The following CSMD1 variants were observed in gnomAD, a reference collection of about 807,000 sequenced individuals.
CSMD1 encodes the protein CUB and sushi domain-containing protein 1.
CSMD1 carries 213 observed loss-of-function variants against 417.5 expected under a neutral mutation model. The observed-to-expected ratio is 0.51, with a 90% CI of 0.46 to 0.57. The LOEUF (loss-of-function observed/expected upper bound fraction) is 0.57, where lower values mean the gene tolerates loss of function less well. CSMD1 is among the 20% of genes least tolerant of loss of function. CSMD1 has a pLI of 0.00. For synonymous variants in CSMD1, 2,862 were observed against 1,736.8 expected (o/e 1.65, Z -16.11); for missense variants, 6,923 against 4,529.7 (o/e 1.53, Z -15.17).
At chr8:3,705,547 G>A (rs1227424506) in intron 7 of CSMD1, among the ~76,000 whole-genome samples, 1 of 152,138 alleles carries the variant, frequency 6.6e-6, no homozygotes, top group Admixed American at 6.5e-5. Context: ...GAAAAAGAAC[G>A]ATCATAAACA....
chr8:3,793,299 G>A (rs1056790310), intron 5 of CSMD1, among the ~76,000 whole-genome samples: 1 of 152,104 alleles, frequency 6.6e-6, no homozygotes, highest in Admixed American at 6.5e-5. Context: ...CCTATTTTTA[G>A]AATTTCCATT....
intron 3 of CSMD1, among the ~76,000 whole-genome samples, chr8:4,197,644 C>T (rs767242341): frequency 1.2e-4 from 19 of 152,180 alleles, no homozygotes; most frequent in East Asian, 1.9e-4. Flanking sequence ...TTTGGGAGGC[C>T]GAGGCAGGTG....
At chr8:3,426,024 T>A (rs1813816111) in intron 12 of CSMD1, among the ~76,000 whole-genome samples, 1 of 152,086 alleles carries the variant, frequency 6.6e-6, no homozygotes, top group South Asian at 2.1e-4. Flanking sequence ...AAGAATTATT[T>A]AAAAAAAATC....
intron 5 of CSMD1, among the ~76,000 whole-genome samples, chr8:3,827,642 T>A (rs1227996185): frequency 1.3e-5 from 2 of 152,200 alleles, no homozygotes; most frequent in Admixed American, 6.6e-5. Flanking sequence ...AAAAACCTCT[T>A]CGAATAAAAC....
At position 4,238,071 on chromosome 8, in the gene CSMD1, G is replaced by C. The variant is rs542529695; in HGVS notation, c.415+181882C>G. On this transcript the variant is annotated intron_variant, in intron 3 of 69. Coordinates refer to ENST00000635120, the MANE Select transcript of CSMD1 (RefSeq NM_033225.6). ...GTTTTTCTACCCTAGGAGGCCTCAA[G>C]AGATTGTAAACGTTTTAAGATTGAG... is the stretch of plus-strand genomic sequence containing the variant. Among the ~76,000 whole-genome samples, 69 of 152,204 alleles carry C rather than the reference G, an allele frequency of 4.5e-4. No individual in the cohort carries two copies. In the South Asian group the frequency reaches 0.014, roughly 31 times the overall value.
At position 4,411,235 on chromosome 8, in the gene CSMD1, A is replaced by G. The variant is rs147994808; in HGVS notation, c.415+8718T>C. Among the ~76,000 whole-genome samples the G allele has an allele frequency of 1.4e-4, 21 of 152,290 alleles. No individual in the cohort carries two copies. In the East Asian group the frequency reaches 4.1e-3, roughly 29 times the overall value. The stretch of plus-strand genomic sequence containing the variant: ...ATCAAGTACAAATATTAATTAATAC[A>G]TATTTTGTTACTGAAAATTGATTAT... On this transcript the variant is annotated intron_variant, in intron 3 of 69. Coordinates refer to ENST00000635120, the MANE Select transcript of CSMD1 (RefSeq NM_033225.6).
chr8:4,150,400 T>G (rs1420001882), intron 3 of CSMD1, among the ~76,000 whole-genome samples: 1 of 152,206 alleles, frequency 6.6e-6, no homozygotes, highest in Admixed American at 6.5e-5. Flanking sequence ...GGAAGTAATG[T>G]GGACTCTCTT....
At chr8:4,580,220 C>T (rs186350044) in intron 2 of CSMD1, among the ~76,000 whole-genome samples, 5 of 152,348 alleles carry the variant, frequency 3.3e-5, no homozygotes, top group Admixed American at 3.3e-4. Flanking sequence ...TGCTGCCCTT[C>T]CCCTTGTGGG....
chr8:3,989,641 G>T (rs1239751581), intron 5 of CSMD1, among the ~76,000 whole-genome samples: 1 of 152,164 alleles, frequency 6.6e-6, no homozygotes, highest in African/African-American at 2.4e-5. Flanking sequence ...AAAAATTAAA[G>T]TCTTTATGAT....
chr8:3,477,068 A>C (rs35143447), intron 11 of CSMD1, among the ~76,000 whole-genome samples: 1 of 151,908 alleles, frequency 6.6e-6, no homozygotes, highest in African/African-American at 2.4e-5. Flanking sequence ...ACATGTATTT[A>C]CAGTCATAGA....
At chr8:3,558,449 T>C (rs994895642) in intron 10 of CSMD1, among the ~76,000 whole-genome samples, 4 of 150,036 alleles carry the variant, frequency 2.7e-5, no homozygotes, top group East Asian at 2.0e-4. Flanking sequence ...CCTGCAATGA[T>C]GAATAGTGTC....
intron 1 of CSMD1, among the ~76,000 whole-genome samples, chr8:4,705,271 G>A (rs1321369269): frequency 6.6e-6 from 1 of 152,032 alleles, no homozygotes; most frequent in African/African-American, 2.4e-5. Context: ...TTATAGCAGT[G>A]TGAAAATTGA....
At chr8:4,619,833 T>A (rs1801670360) in intron 2 of CSMD1, among the ~76,000 whole-genome samples, 1 of 152,098 alleles carries the variant, frequency 6.6e-6, no homozygotes, top group African/African-American at 2.4e-5. Flanking sequence ...ATGTTTTGTT[T>A]GGAATTAAAT....
intron 10 of CSMD1, among the ~76,000 whole-genome samples, chr8:3,551,287 G>T (rs1798899510): frequency 6.6e-6 from 1 of 152,064 alleles, no homozygotes; most frequent in South Asian, 2.1e-4. Context: ...TGTACTACAG[G>T]ACTGTCATAT....
rs372671442 is a variant in CSMD1 at position 4,395,325 on chromosome 8, T to A, written c.415+24628A>T. Among the ~76,000 whole-genome samples, 4 of 152,334 alleles carry A rather than the reference T, an allele frequency of 2.6e-5. No individual in the cohort carries two copies. The East Asian group carries it at 5.8e-4, about 22-fold the overall frequency. On this transcript the variant is annotated intron_variant, in intron 3 of 69. Transcript: ENST00000635120. The stretch of plus-strand genomic sequence containing the variant: ...TTCATAACTTCAGCCCCTTCGCTAT[T>A]CTTAGTATCTGAGAGCATTGTTTGC...
intron 1 of CSMD1, among the ~76,000 whole-genome samples, chr8:4,905,075 G>A (rs1266672563): frequency 2.0e-5 from 3 of 152,118 alleles, no homozygotes; most frequent in Admixed American, 6.5e-5. Context: ...TTCTCTGCCA[G>A]CATAGGATCG....
intron 23 of CSMD1, among the ~76,000 whole-genome samples, chr8:3,316,953 G>C (rs1301399733): frequency 1.3e-5 from 2 of 152,170 alleles, no homozygotes; most frequent in African/African-American, 2.4e-5. Context: ...TGCTGGAAAG[G>C]AGCCTGTGTC....
intron 31 of CSMD1, among the ~76,000 whole-genome samples, chr8:3,202,270 T>C (rs1176280490): frequency 2.6e-5 from 4 of 152,254 alleles, no homozygotes; most frequent in Non-Finnish European, 5.9e-5. Flanking sequence ...CATGATGATT[T>C]GATGAGGAAT....
chr8:4,947,777 A>G (rs556524223), intron 1 of CSMD1, among the ~76,000 whole-genome samples: 70 of 152,104 alleles, frequency 4.6e-4, no homozygotes, highest in African/African-American at 1.6e-3. Flanking sequence ...TTGAATTTGC[A>G]TTTTTTCAAA....
Sources: allele counts gnomAD v4.1 joint callset (sites outside exome capture counted in the v4.1 genomes callset), GRCh38; gene constraint gnomAD v4.1.1; transcripts MANE v1.5; gene names NCBI Gene and HGNC (gene_info 2026-07-23, HGNC 2026-07-21).